PCDH11X: variants seen among roughly 807,000 people sequenced by gnomAD.
PCDH11X encodes the protein protocadherin 11 X-linked, also known as protocadherin-11 X-linked.
In PCDH11X, 18 loss-of-function variants were observed where a neutral mutation model predicts 53.3. The ratio of observed to expected loss-of-function variants is 0.34; its 90% CI spans 0.23 to 0.50. PCDH11X has a LOEUF of 0.50. Ranked by LOEUF, PCDH11X falls within the 20% of genes least tolerant of loss-of-function variation. PCDH11X has a pLI of 0.98. For missense variants in PCDH11X, 570 were observed against 1,032.4 expected (o/e 0.55, Z 6.14); for synonymous variants, 279 against 393.3 (o/e 0.71, Z 3.44).
chrX:92,509,501 T>C (rs2074125133), intron 10 of PCDH11X, among the ~76,000 whole-genome samples: 1 of 111,806 alleles, frequency 8.9e-6, no homozygotes, highest in Non-Finnish European at 1.9e-5. Flanking sequence ...TTCTGCAAAA[T>C]GATTTCTGTT....
At chrX:91,857,182 G>C (rs1346046672) in intron 5 of PCDH11X, among the ~76,000 whole-genome samples, 2 of 111,443 alleles carry the variant, frequency 1.8e-5, no homozygotes, top group Admixed American at 9.5e-5. Flanking sequence ...TGGCAAGAGA[G>C]AGCGTGTGCA....
At chrX:91,910,106 C>T (rs1347732903) in intron 6 of PCDH11X, among the ~76,000 whole-genome samples, 3 of 109,729 alleles carry the variant, frequency 2.7e-5, no homozygotes, top group Non-Finnish European at 5.7e-5. Context: ...CATTAAGATA[C>T]GATATTTATG....
At chrX:92,459,849 G>A in intron 9 of PCDH11X, 1 of 1,111,826 alleles carries the variant, frequency 9.0e-7, no homozygotes, top group Non-Finnish European at 1.2e-6. Context: ...TGGGGCCTGG[G>A]GGCCTGGCCG....
At chrX:92,504,421 T>C (rs1295816417) in intron 10 of PCDH11X, among the ~76,000 whole-genome samples, 3 of 111,211 alleles carry the variant, frequency 2.7e-5, no homozygotes, top group South Asian at 7.6e-4. Flanking sequence ...GCTCCATTCA[T>C]ATTGCTGCAA....
intron 8 of PCDH11X, among the ~76,000 whole-genome samples, chrX:92,370,605 A>G (rs5941083): frequency 0.44 from 46,963 of 107,661 alleles, 7,985 homozygotes; most frequent in Non-Finnish European, 0.49. Context: ...GATTACAGGC[A>G]TGTGACACTA....
At chrX:92,375,833 A>T (rs915084723) in intron 8 of PCDH11X, among the ~76,000 whole-genome samples, 4 of 110,910 alleles carry the variant, frequency 3.6e-5, no homozygotes, top group Middle Eastern at 4.6e-3. Flanking sequence ...CATCTTGGCC[A>T]GGCTGGTCTT....
intron 7 of PCDH11X, among the ~76,000 whole-genome samples, chrX:92,214,238 C>T (rs1235111845): frequency 1.8e-5 from 2 of 111,677 alleles, no homozygotes; most frequent in African/African-American, 6.5e-5. Context: ...AGAAGAGTTG[C>T]CAGTAGGGCA....
intron 6 of PCDH11X, among the ~76,000 whole-genome samples, chrX:92,074,468 T>C (rs1473567297): frequency 8.9e-6 from 1 of 112,014 alleles, no homozygotes; most frequent in East Asian, 2.8e-4. Context: ...TTTCCTATTT[T>C]ACACATTCAT....
At chrX:91,908,084 G>C (rs1268618264) in intron 6 of PCDH11X, among the ~76,000 whole-genome samples, 11 of 111,556 alleles carry the variant, frequency 9.9e-5, no homozygotes, top group Non-Finnish European at 1.9e-4. Context: ...GATACCCTAA[G>C]CAATACCATT....
chrX:91,819,940 C>G (rs1329543451), intron 4 of PCDH11X, among the ~76,000 whole-genome samples: 2 of 98,493 alleles, frequency 2.0e-5, no homozygotes, highest in Admixed American at 1.1e-4. Context: ...TTTGTTCTTG[C>G]GATAGTTTAC....
intron 7 of PCDH11X, among the ~76,000 whole-genome samples, chrX:92,218,888 C>T (rs752216264): frequency 1.9e-5 from 2 of 106,494 alleles, no homozygotes; most frequent in African/African-American, 6.8e-5. Context: ...AAGGCTGGTT[C>T]AATATATGCA....
At chrX:92,429,930 T>C (rs1196887492) in intron 9 of PCDH11X, among the ~76,000 whole-genome samples, 1 of 108,245 alleles carries the variant, frequency 9.2e-6, no homozygotes, top group Non-Finnish European at 1.9e-5. Context: ...ATTCTGTCTG[T>C]GTACAAGCAT....
chrX:92,060,103 G>T (rs769602906), intron 6 of PCDH11X, among the ~76,000 whole-genome samples: 1 of 109,849 alleles, frequency 9.1e-6, no homozygotes, highest in African/African-American at 3.3e-5. Context: ...TTAGCTAATT[G>T]CTTGGCACTT....
rs779406718 is a variant in PCDH11X at position 92,064,701 on chromosome X, G to A, written c.3034-136674G>A. 5.8e-3 allele frequency among the ~76,000 whole-genome samples: 638 copies of A among 109,838 alleles called. 7 individuals are homozygous for A. The highest frequency in any genetic ancestry group is 0.02 in the African/African-American group (601 of 29,944). On this transcript the variant is annotated intron_variant, in intron 6 of 10. Transcript: ENST00000682573. ...TTTATTATAATTGAGAAACTTATTAGTTCTAAATTGGACAGTGCAATAAAT... is the reference window on the plus strand; with the variant it reads ...TTTATTATAATTGAGAAACTTATTAATTCTAAATTGGACAGTGCAATAAAT...
At chrX:92,444,534 T>G (rs2148639091) in intron 9 of PCDH11X, among the ~76,000 whole-genome samples, 1 of 109,624 alleles carries the variant, frequency 9.1e-6, no homozygotes, top group Admixed American at 9.9e-5. Context: ...TTTGTTTCTT[T>G]CCCTTTCCTG....
intron 10 of PCDH11X, among the ~76,000 whole-genome samples, chrX:92,601,402 G>A (rs1428802596): frequency 1.0e-5 from 1 of 98,926 alleles, no homozygotes; most frequent in African/African-American, 3.8e-5. Flanking sequence ...ATGAAAGAAA[G>A]AAAGAAAGAA....
intron 6 of PCDH11X, among the ~76,000 whole-genome samples, chrX:92,087,585 C>T (rs1189747924): frequency 4.5e-5 from 5 of 111,541 alleles, no homozygotes; most frequent in Non-Finnish European, 7.5e-5. Flanking sequence ...GGGGCTCACT[C>T]AACCTGTTTT....
intron 7 of PCDH11X, among the ~76,000 whole-genome samples, chrX:92,257,655 G>C (rs1317386107): frequency 8.9e-6 from 1 of 112,603 alleles, no homozygotes; most frequent in Non-Finnish European, 1.9e-5. Context: ...CCCAAATACA[G>C]CAGAGCAGTT....
rs764455514 is a variant in PCDH11X at position 92,618,131 on chromosome X, T to G, written c.3368-133T>G. On this transcript the variant is annotated intron_variant, in intron 10 of 10. Transcript: ENST00000682573. ...TTACTGACAAATTAAAAATACCAAC[T>G]CTATAAATAATGGAAGTCTTTAATG... 590 of 839,282 alleles carry G rather than the reference T, an allele frequency of 7.0e-4. 5 individuals are homozygous for G. The African/African-American group carries it at 0.01, about 15-fold the overall frequency. The allele number at this position is 839,282 out of a possible 1,213,427, so 69.2% of individuals were successfully genotyped here. A position where few individuals can be genotyped will look rare whatever the true frequency, so the allele number is the denominator to read the frequency against.
Sources: gnomAD v4.1 joint callset for allele counts (sites outside exome capture counted in the v4.1 genomes callset) on GRCh38, gnomAD v4.1.1 for gene constraint, MANE v1.5 for transcripts, NCBI Gene and HGNC (gene_info 2026-07-23, HGNC 2026-07-21) for gene names.